Variants in SLC10A7 observed in about 807,000 individuals in gnomAD.
SLC10A7 encodes the protein solute carrier family 10 member 7.
A neutral mutation model predicts 43.2 loss-of-function variants in SLC10A7; 29 were observed. The observed-to-expected ratio is 0.67, with a 90% CI of 0.50 to 0.92. The LOEUF (loss-of-function observed/expected upper bound fraction) is 0.92, where lower values mean the gene tolerates loss of function less well. Among genes scored for constraint, SLC10A7 ranks in the 40% least tolerant of loss-of-function variants. SLC10A7 has a pLI of 0.00. For synonymous variants in SLC10A7, 152 were observed against 144.8 expected, an observed-to-expected ratio of 1.05 and a Z score of -0.35; for missense variants, 295 against 403.2, an observed-to-expected ratio of 0.73 and a Z score of 2.30.
chr4:146,311,264 A>G (rs1280511516), intron 6 of SLC10A7, among the ~76,000 whole-genome samples: 3 of 152,184 alleles, frequency 2.0e-5, no homozygotes, highest in African/African-American at 7.2e-5. Context: ...GGGCAAACTA[A>G]CCAGGCTTAG....
At chr4:146,354,039 G>A (rs1188314460) in intron 5 of SLC10A7, among the ~76,000 whole-genome samples, 1 of 146,542 alleles carries the variant, frequency 6.8e-6, no homozygotes, top group Non-Finnish European at 1.5e-5. Flanking sequence ...TCTGGCCAGG[G>A]CAATCAGGCA....
chr4:146,504,858 G>T (rs944118695), intron 3 of SLC10A7, among the ~76,000 whole-genome samples: 5 of 152,044 alleles, frequency 3.3e-5, no homozygotes, highest in African/African-American at 1.2e-4. Context: ...CCTCAATTTG[G>T]TTTTTATTAT....
At chr4:146,392,539 C>A (rs1365072982) in intron 5 of SLC10A7, among the ~76,000 whole-genome samples, 1 of 152,190 alleles carries the variant, frequency 6.6e-6, no homozygotes, top group East Asian at 1.9e-4. Context: ...ACTCACATAC[C>A]TATGACCTTC....
intron 6 of SLC10A7, among the ~76,000 whole-genome samples, chr4:146,314,082 A>G (rs1271939715): frequency 1.3e-5 from 2 of 152,252 alleles, no homozygotes; most frequent in Non-Finnish European, 2.9e-5. Flanking sequence ...CCAGGCTGAA[A>G]GCGTCTTGTG....
chr4:146,516,547 A>G (rs1738016951), intron 2 of SLC10A7, among the ~76,000 whole-genome samples: 1 of 151,026 alleles, frequency 6.6e-6, no homozygotes, highest in Non-Finnish European at 1.5e-5. Flanking sequence ...TATTTCTCTT[A>G]AGACATCTAT....
chr4:146,424,300 C>A (rs1729163021), intron 5 of SLC10A7, among the ~76,000 whole-genome samples: 1 of 152,212 alleles, frequency 6.6e-6, no homozygotes, highest in South Asian at 2.1e-4. Flanking sequence ...GATCCACTTG[C>A]CTCAACCTCC....
intron 4 of SLC10A7, among the ~76,000 whole-genome samples, chr4:146,488,769 G>A (rs1245778795): frequency 6.6e-6 from 1 of 152,092 alleles, no homozygotes; most frequent in African/African-American, 2.4e-5. Context: ...ATTGAGAGAA[G>A]CAAAAATGCC....
At chr4:146,310,770 C>T (rs1731919654) in intron 6 of SLC10A7, among the ~76,000 whole-genome samples, 1 of 152,058 alleles carries the variant, frequency 6.6e-6, no homozygotes, top group Non-Finnish European at 1.5e-5. Context: ...TGGACAAGGT[C>T]ACCATAGCTA....
intron 6 of SLC10A7, among the ~76,000 whole-genome samples, chr4:146,323,237 A>AT (rs1390729862): frequency 6.6e-6 from 1 of 152,040 alleles, no homozygotes; most frequent in African/African-American, 2.4e-5. Context: ...ATTAGATTCC[A>AT]TTTGTCAATT....
At position 146,343,240 on chromosome 4, in the gene SLC10A7, G is replaced by T. The variant is rs568750640; in HGVS notation, c.436-17244C>A. On this transcript the variant is annotated intron_variant, in intron 5 of 11. Transcript: ENST00000335472. ...TTTTCTATTTTCCCCAGACATGACT[G>T]CTTGCTATAGAGCTACTAATTCAAA... Among the ~76,000 whole-genome samples, 25 of 152,120 alleles carry T rather than the reference G, an allele frequency of 1.6e-4. No homozygotes were observed. In the South Asian group the frequency reaches 1.9e-3, roughly 11 times the overall value.
intron 4 of SLC10A7, among the ~76,000 whole-genome samples, chr4:146,478,797 A>T (rs1049769043): frequency 6.6e-6 from 1 of 152,216 alleles, no homozygotes; most frequent in Admixed American, 6.5e-5. Context: ...CTCTGAGGAA[A>T]CCGAGAAAGA....
intron 6 of SLC10A7, among the ~76,000 whole-genome samples, chr4:146,316,312 C>T (rs535132316): frequency 6.6e-6 from 1 of 152,078 alleles, no homozygotes; most frequent in South Asian, 2.1e-4. Flanking sequence ...GTTTCTGTGC[C>T]CCTAAAATTT....
chr4:146,391,382 T>C (rs1162168350), intron 5 of SLC10A7, among the ~76,000 whole-genome samples: 2 of 152,218 alleles, frequency 1.3e-5, no homozygotes, highest in Non-Finnish European at 1.5e-5. Context: ...TGGGTTATTG[T>C]TGTTACCAAA....
chr4:146,380,853 C>T (rs536993649), intron 5 of SLC10A7, among the ~76,000 whole-genome samples: 279 of 151,858 alleles, frequency 1.8e-3, no homozygotes, highest in Non-Finnish European at 2.2e-3. Flanking sequence ...TTAGTTGGTA[C>T]GATGTTTATC....
In SLC10A7 at chr4:146,521,719, T is replaced by C. The variant is rs780110957; in HGVS notation, c.-2A>G. ...CCTCATTCTCTCCAGCAGCCTCATA[T>C]TTGTTAGGGTGGGTGGGTTTTGTTT... On this transcript the variant is annotated 5_prime_UTR_variant, in exon 1 of 12. Coordinates refer to ENST00000335472, the MANE Select transcript of SLC10A7 (RefSeq NM_001029998.6). 6.2e-7 allele frequency: 1 copy of C among 1,612,948 alleles called. No individual in the cohort carries two copies. The highest frequency in any genetic ancestry group is 1.1e-5 in the South Asian group (1 of 91,066).
chr4:146,461,331 C>A (rs1732508228), intron 4 of SLC10A7, among the ~76,000 whole-genome samples: 1 of 151,964 alleles, frequency 6.6e-6, no homozygotes, highest in Admixed American at 6.6e-5. Context: ...TTATTCATTT[C>A]ATTAAGTGGG....
At chr4:146,408,182 C>T (rs939730731) in intron 5 of SLC10A7, among the ~76,000 whole-genome samples, 1 of 152,058 alleles carries the variant, frequency 6.6e-6, no homozygotes, top group Non-Finnish European at 1.5e-5. Flanking sequence ...CTTCCTACCT[C>T]GAACAAAAAT....
intron 4 of SLC10A7, among the ~76,000 whole-genome samples, chr4:146,480,932 GA>G (rs879559419): frequency 1.7e-4 from 26 of 151,998 alleles, no homozygotes; most frequent in Admixed American, 6.6e-4. Flanking sequence ...AAATAAACAG[GA>G]AAAACCATGG....
chr4:146,257,615 T>C (rs1475890789), intron 11 of SLC10A7, among the ~76,000 whole-genome samples: 1 of 152,226 alleles, frequency 6.6e-6, no homozygotes, highest in African/African-American at 2.4e-5. Flanking sequence ...AACATCATTG[T>C]AGATAATGAT....
Sources: allele counts gnomAD v4.1 joint callset (sites outside exome capture counted in the v4.1 genomes callset), GRCh38; gene constraint gnomAD v4.1.1; transcripts MANE v1.5; gene names NCBI Gene and HGNC (gene_info 2026-07-23, HGNC 2026-07-21).